ZDHHC1: variants seen among roughly 807,000 people sequenced by gnomAD.
The protein encoded by ZDHHC1 is palmitoyltransferase ZDHHC1.
Under a neutral mutation model 46.9 loss-of-function variants are expected in ZDHHC1, and 45 were observed. The ratio of observed to expected loss-of-function variants is 0.96; its 90% confidence interval spans 0.76 to 1.23. The LOEUF is 1.23. ZDHHC1 is among the 50% of genes most tolerant of loss of function. The pLI, the probability that ZDHHC1 is intolerant of heterozygous loss-of-function variation, is 0.00. For synonymous variants in ZDHHC1, 291 were observed against 286.0 expected (o/e 1.02, Z -0.18); for missense variants, 649 against 670.8 (o/e 0.97, Z 0.36).
chr16:67,406,590 A>G lies in ZDHHC1; in HGVS notation c.10-148T>C. On this transcript the variant is annotated intron_variant, in intron 2 of 11. Transcript: ENST00000565726. This position sits in a 1 kb window ranked among gnomAD's most constrained non-coding sequence, Gnocchi z 4.1. ...AAACTGGGGTCCTAGCACAATAGAG[A>G]TGGGCAGTGGGGAGAGGGTGGGAGT... 9.5e-7 allele frequency: 1 copy of G among 1,058,138 alleles called. No individual in the cohort carries two copies. 65.5% of individuals were successfully genotyped at this position (1,058,138 alleles called of 1,614,324 possible). A position where few individuals can be genotyped will look rare whatever the true frequency, so the allele number is the denominator to read the frequency against.
chr16:67,395,058 T>C lies in ZDHHC1; in HGVS notation c.1109A>G (p.Lys370Arg), dbSNP rs369992825. The change falls in exon 11 of 12, where the codon AAG becomes AGG. Residue 370 changes from lysine (K) to arginine (R), a missense_variant. Coordinates refer to ENST00000565726, the MANE Select transcript of ZDHHC1 (RefSeq NM_001323627.2). ...CACTTTATACACGCGCCTCTTCCTC[T>C]TTTTCTGCAGAGACACGGGGGAGCC... ...ALPPRIRPQKKRKRRVYKVRT... is the reference protein window; with the variant it reads ...ALPPRIRPQKRRKRRVYKVRT... The C allele has an allele frequency of 1.2e-6, 2 of 1,613,200 alleles. No individual in the cohort carries two copies. The highest frequency in any genetic ancestry group is 2.2e-5 in the South Asian group (2 of 91,024).
At chr16:67,395,407 T>TCGGGGC in intron 9 of ZDHHC1, 77 bp downstream of exon 9, 1 of 1,541,582 alleles carries the variant, frequency 6.5e-7, no homozygotes, top group Non-Finnish European at 8.7e-7. Context: ...GACCTTAGCC[T>TCGGGGC]ACCCCCTTCT....
At chr16:67,404,767 A>T (rs1446905578) in intron 3 of ZDHHC1, 1 of 454,666 alleles carries the variant, frequency 2.2e-6, no homozygotes, top group Non-Finnish European at 4.4e-6. Context: ...ATGAGGACCA[A>T]ATGAGATCAT....
rs1462937642 is a variant in ZDHHC1, at chr16:67,394,535, G to A, written c.*75C>T. On this transcript the variant is annotated 3_prime_UTR_variant, in exon 12 of 12. Transcript: ENST00000565726. ...CGTAGGGGCCCCTAAAGTGCACTCG[G>A]TGCGGCAAGGATGGGGTGTTGCATA... 1.8e-6 allele frequency: 2 copies of A among 1,115,882 alleles called. No individual in the cohort carries two copies. Among genetic ancestry groups the A allele is most frequent in the Non-Finnish European group, 2.2e-6 (2 of 913,432 alleles). The allele number at this position is 1,115,882 out of a possible 1,614,324, so 69.1% of individuals were successfully genotyped here.
rs1179294148 is a variant in ZDHHC1 at position 67,395,547 on chromosome 16, C to T, written c.947G>A (p.Arg316Gln). The change falls in exon 9 of 12, where the codon CGG (arginine) becomes CAG (glutamine). Residue 316 changes from arginine (R) to glutamine (Q), a missense_variant. Coordinates refer to ENST00000565726, the MANE Select transcript of ZDHHC1 (RefSeq NM_001323627.2). Reference protein sequence around the residue: ...RPIQEMEFYMRTFRHMRPEPP... With the variant: ...RPIQEMEFYMQTFRHMRPEPP... ...CTCTGGGCGCATATGTCTGAAGGTC[C>T]GCATGTAGAACTCCATCTCCTGGGG... 14 of 1,554,104 alleles carry T rather than the reference C, an allele frequency of 9.0e-6. No homozygotes were observed. In the Admixed American group the frequency reaches 9.8e-5, roughly 11 times the overall value.
In ZDHHC1 at chr16:67,399,205, ACT is replaced by A. The variant is rs778292863; in HGVS notation, c.530+148_530+149del. ...ATCTCAGCCGGCACCCAGGAGCATC[ACT>A]CTCTCTGGGCAGCACCCCCGCATAA... On this transcript the variant is annotated intron_variant, in intron 5 of 11. Transcript: ENST00000565726. 1.1e-5 allele frequency: 9 copies of A among 808,100 alleles called. No individual in the cohort carries two copies. In the East Asian group the frequency reaches 2.5e-4, roughly 22 times the overall value. 50.1% of individuals were successfully genotyped at this position (808,100 alleles called of 1,614,324 possible).
At position 67,394,583 on chromosome 16, in the gene ZDHHC1, ACTCGGCCCTCCGGCCT is replaced by A; in HGVS notation, c.*11_*26del. On this transcript the variant is annotated 3_prime_UTR_variant, in exon 12 of 12. Transcript: ENST00000565726. ...ATAGAGAGTCAGGCCGGCCGCTCTA[ACTCGGCCCTCCGGCCT>A]CTCGGCCCAGCTAAGCCAGACCAGC... is the stretch of plus-strand genomic sequence containing the variant. The A allele has an allele frequency of 8.7e-7, 1 of 1,155,058 alleles. No homozygotes were observed. The highest frequency in any genetic ancestry group is 4.0e-5 in the South Asian group (1 of 25,090). 71.6% of individuals were successfully genotyped at this position (1,155,058 alleles called of 1,614,324 possible). A position where few individuals can be genotyped will look rare whatever the true frequency, so the allele number is the denominator to read the frequency against.
chr16:67,412,523 T>C (rs962022811), intron 1 of ZDHHC1, among the ~76,000 whole-genome samples: 13 of 152,126 alleles, frequency 8.5e-5, no homozygotes, highest in African/African-American at 3.1e-4. Context: ...TTGAAAGCAA[T>C]TCTAAGACGC....
At position 67,398,949 on chromosome 16, in the gene ZDHHC1, G is replaced by A. The variant is rs1450914604; in HGVS notation, c.531-5C>T. ...GCAACACTGTGTAGAAAGAGCCTGG[G>A]CCCAGCCATGGGTCGCTGTCAGCTC... On this transcript the variant is annotated splice_polypyrimidine_tract_variant and splice_region_variant and intron_variant, in intron 5 of 11. Coordinates refer to ENST00000565726, the MANE Select transcript of ZDHHC1 (RefSeq NM_001323627.2). 1.9e-6 allele frequency: 3 copies of A among 1,611,992 alleles called. No homozygotes were observed. The highest frequency in any genetic ancestry group is 2.5e-6 in the Non-Finnish European group (3 of 1,179,256).
chr16:67,395,348 G>A lies in ZDHHC1; in HGVS notation c.1011-68C>T, dbSNP rs2040408183. The stretch of plus-strand genomic sequence containing the variant: ...AATCCCTCCCCACTGGAGGTGCTGA[G>A]AGAAGCTTCCCTTCCTGTTAGCTCA... On this transcript the variant is annotated intron_variant, in intron 9 of 11. Transcript: ENST00000565726. The A allele has an allele frequency of 5.3e-6, 8 of 1,497,022 alleles. No homozygotes were observed. The East Asian group carries it at 1.7e-4, about 32-fold the overall frequency. The allele number at this position is 1,497,022 out of a possible 1,614,324, so 92.7% of individuals were successfully genotyped here. A position where few individuals can be genotyped will look rare whatever the true frequency, so the allele number is the denominator to read the frequency against.
In ZDHHC1 at chr16:67,398,598, G is replaced by A; in HGVS notation, c.789C>T (p.His263=). The change falls in exon 7 of 12, where the codon CAC becomes CAT. Residue 263 remains histidine (H), a synonymous_variant. Coordinates refer to ENST00000565726, the MANE Select transcript of ZDHHC1 (RefSeq NM_001323627.2). The part of the protein sequence containing the change: ...LGLLSTALLG[H]LLCFHIYLMW... Reference sequence around the variant, plus strand: ...TGAGATAAATGTGGAAGCAGAGCAGGTGCCCCAGGAGGGCTGTGGACAGGA... The same window carrying A: ...TGAGATAAATGTGGAAGCAGAGCAGATGCCCCAGGAGGGCTGTGGACAGGA... The A allele has an allele frequency of 6.2e-7, 1 of 1,604,668 alleles. No homozygotes were observed. Among genetic ancestry groups the A allele is most frequent in the Non-Finnish European group, 8.5e-7 (1 of 1,176,914 alleles).
chr16:67,406,121 C>A lies in ZDHHC1; in HGVS notation c.252+79G>T, dbSNP rs748643670. 33 of 1,518,066 alleles carry A rather than the reference C, an allele frequency of 2.2e-5. No individual in the cohort carries two copies. The Middle Eastern group carries it at 6.8e-4, about 31-fold the overall frequency. 94.0% of individuals were successfully genotyped at this position (1,518,066 alleles called of 1,614,324 possible). A position where few individuals can be genotyped will look rare whatever the true frequency, so the allele number is the denominator to read the frequency against. Reference sequence around the variant, plus strand: ...ACTGTGCTCCCCAAGGCTCTCAACCCGGCTTTGGGCCTCCGCTGTGCCAGC... The same window carrying A: ...ACTGTGCTCCCCAAGGCTCTCAACCAGGCTTTGGGCCTCCGCTGTGCCAGC... On this transcript the variant is annotated intron_variant, in intron 3 of 11. Transcript: ENST00000565726. This position sits in a 1 kb window ranked among gnomAD's most constrained non-coding sequence, Gnocchi z 4.1.
chr16:67,412,173 A>AT (rs2040758188), intron 1 of ZDHHC1, among the ~76,000 whole-genome samples: 1 of 152,036 alleles, frequency 6.6e-6, no homozygotes, highest in East Asian at 1.9e-4. Flanking sequence ...ATACGCACAG[A>AT]TTTTCTCCAG....
chr16:67,407,670 C>A, intron 2 of ZDHHC1, 97 bp downstream of exon 2: 1 of 773,842 alleles, frequency 1.3e-6, no homozygotes, highest in South Asian at 1.4e-5. Context: ...TGTCTGCCCT[C>A]ATTAGGACAA....
At chr16:67,397,111 C>G (rs1002976978) in intron 8 of ZDHHC1, among the ~76,000 whole-genome samples, 1 of 152,236 alleles carries the variant, frequency 6.6e-6, no homozygotes, top group Admixed American at 6.5e-5. Context: ...TCCTGTCCCC[C>G]GGGTTTGCCT....
At chr16:67,400,143 G>C (rs533107711) in intron 4 of ZDHHC1, among the ~76,000 whole-genome samples, 18 of 152,320 alleles carry the variant, frequency 1.2e-4, no homozygotes, top group African/African-American at 4.1e-4. Flanking sequence ...TGTGCTGGCG[G>C]GTGCCCAGTG....
At chr16:67,404,673 G>T in intron 3 of ZDHHC1, 1 of 455,066 alleles carries the variant, frequency 2.2e-6, no homozygotes, top group South Asian at 1.6e-5. Context: ...CTGGGTGCCC[G>T]CTATGTGATC....
intron 9 of ZDHHC1, 54 bp downstream of exon 9, chr16:67,395,430 G>T: frequency 6.5e-7 from 1 of 1,547,706 alleles, no homozygotes; most frequent in Non-Finnish European, 8.7e-7. Context: ...TGCCTCGATG[G>T]CCCTGCCATG....
At position 67,394,498 on chromosome 16, in the gene ZDHHC1, G is replaced by T; in HGVS notation, c.*112C>A. 1 of 963,808 alleles carries T rather than the reference G, an allele frequency of 1.0e-6. No individual in the cohort carries two copies. Among genetic ancestry groups the T allele is most frequent in the Non-Finnish European group, 1.3e-6 (1 of 777,752 alleles). The allele number at this position is 963,808 out of a possible 1,614,324, so 59.7% of individuals were successfully genotyped here. A position where few individuals can be genotyped will look rare whatever the true frequency, so the allele number is the denominator to read the frequency against. Reference sequence around the variant, plus strand: ...TGCTGAGTCGTGGGGGAGGGAGGCCGATCCCGCCGGCCGTAGGGGCCCCTA... The same window carrying T: ...TGCTGAGTCGTGGGGGAGGGAGGCCTATCCCGCCGGCCGTAGGGGCCCCTA... On this transcript the variant is annotated 3_prime_UTR_variant, in exon 12 of 12. Transcript: ENST00000565726.
Sources: allele counts gnomAD v4.1 joint callset (sites outside exome capture counted in the v4.1 genomes callset), GRCh38; gene constraint gnomAD v4.1.1; non-coding constraint Gnocchi (gnomAD v3.1); transcripts MANE v1.5; gene names NCBI Gene and HGNC (gene_info 2026-07-23, HGNC 2026-07-21).